Variants in MTMR2 observed in about 807,000 individuals in gnomAD.
MTMR2 encodes the protein phosphatidylinositol-3,5-bisphosphate 3-phosphatase MTMR2.
A neutral mutation model predicts 86.9 loss-of-function variants in MTMR2; 55 were observed. That is an observed-to-expected ratio of 0.63 (90% CI 0.51 to 0.79). The LOEUF (loss-of-function observed/expected upper bound fraction) is 0.79, where lower values mean the gene tolerates loss of function less well. Ranked by LOEUF, MTMR2 falls within the 30% of genes least tolerant of loss-of-function variation. The pLI is 0.00. For synonymous variants in MTMR2, 241 were observed against 266.8 expected, an observed-to-expected ratio of 0.90 and a Z score of 0.94; for missense variants, 659 against 772.3, an observed-to-expected ratio of 0.85 and a Z score of 1.74.
At chr11:95,880,801 T>C (rs537638385) in intron 2 of MTMR2, among the ~76,000 whole-genome samples, 4 of 152,218 alleles carry the variant, frequency 2.6e-5, no homozygotes, top group African/African-American at 9.6e-5. Context: ...TATTAATTTG[T>C]AGATGTTCTT....
At chr11:95,910,455 A>G (rs1399866304) in intron 1 of MTMR2, among the ~76,000 whole-genome samples, 2 of 152,092 alleles carry the variant, frequency 1.3e-5, no homozygotes, top group Non-Finnish European at 2.9e-5. Context: ...AAGAGTATAT[A>G]CACTTTAGAG....
intron 2 of MTMR2, among the ~76,000 whole-genome samples, chr11:95,883,181 A>G (rs1236780291): frequency 6.6e-6 from 1 of 152,116 alleles, no homozygotes; most frequent in Non-Finnish European, 1.5e-5. Flanking sequence ...TGAGGCACAT[A>G]CTTTAATTAA....
In MTMR2 at chr11:95,835,033, A is replaced by G; in HGVS notation, c.*257T>C. The G allele has an allele frequency of 4.4e-6, 2 of 451,516 alleles. No individual in the cohort carries two copies. The highest frequency in any genetic ancestry group is 8.3e-5 in the East Asian group (2 of 24,188). 28.0% of individuals were successfully genotyped at this position (451,516 alleles called of 1,614,324 possible). A position where few individuals can be genotyped will look rare whatever the true frequency, so the allele number is the denominator to read the frequency against. ...TAATAGAAACTTGTTCCCACTGTGAATCCAGGATTGAAGTATTTTAATATT... is the reference window on the plus strand; with the variant it reads ...TAATAGAAACTTGTTCCCACTGTGAGTCCAGGATTGAAGTATTTTAATATT... On this transcript the variant is annotated 3_prime_UTR_variant, in exon 15 of 15. Coordinates refer to ENST00000346299, the MANE Select transcript of MTMR2 (RefSeq NM_016156.6).
intron 7 of MTMR2, among the ~76,000 whole-genome samples, chr11:95,853,848 T>C (rs1864112276): frequency 6.6e-6 from 1 of 152,136 alleles, no homozygotes; most frequent in African/African-American, 2.4e-5. Context: ...CAAAATTAGT[T>C]TCTGAAGTTT....
At chr11:95,890,132 A>G (rs1355450365) in intron 1 of MTMR2, among the ~76,000 whole-genome samples, 1 of 152,240 alleles carries the variant, frequency 6.6e-6, no homozygotes, top group Non-Finnish European at 1.5e-5. Flanking sequence ...GTGGCATTCC[A>G]GTGCAAACAC....
chr11:95,852,079 C>T (rs897228827), intron 7 of MTMR2, among the ~76,000 whole-genome samples: 4 of 152,108 alleles, frequency 2.6e-5, no homozygotes, highest in African/African-American at 9.7e-5. Flanking sequence ...TCTGAAAATT[C>T]TTATCAAACA....
chr11:95,860,401 T>A (rs1324467185), intron 5 of MTMR2, among the ~76,000 whole-genome samples: 1 of 151,974 alleles, frequency 6.6e-6, no homozygotes, highest in Non-Finnish European at 1.5e-5. Flanking sequence ...CTGAGGAGGC[T>A]GAGGTAGGAG....
At chr11:95,869,756 G>C (rs1864781108) in intron 2 of MTMR2, among the ~76,000 whole-genome samples, 1 of 152,200 alleles carries the variant, frequency 6.6e-6, no homozygotes, top group Non-Finnish European at 1.5e-5. Flanking sequence ...TGGAGTAAAA[G>C]TTTAGGGTAT....
chr11:95,919,377 A>AT (rs939012690), intron 1 of MTMR2, among the ~76,000 whole-genome samples: 1 of 152,086 alleles, frequency 6.6e-6, no homozygotes, highest in Non-Finnish European at 1.5e-5. Flanking sequence ...CCCCCCTTTG[A>AT]TTTTTTTAAT....
intron 5 of MTMR2, among the ~76,000 whole-genome samples, chr11:95,860,866 T>C (rs930171132): frequency 6.6e-6 from 1 of 151,984 alleles, no homozygotes; most frequent in Non-Finnish European, 1.5e-5. Flanking sequence ...GTTTTAGAAG[T>C]AGAAAAACTG....
At chr11:95,845,385 T>C (rs1221461413) in intron 10 of MTMR2, among the ~76,000 whole-genome samples, 16 of 152,144 alleles carry the variant, frequency 1.1e-4, no homozygotes, top group Non-Finnish European at 4.4e-5. Flanking sequence ...CCCAACGAAA[T>C]AGCCAAATCA....
At chr11:95,888,104 AC>A in intron 2 of MTMR2, 51 bp downstream of exon 2, 2 of 1,328,098 alleles carry the variant, frequency 1.5e-6, no homozygotes, top group South Asian at 2.4e-5. Flanking sequence ...AGTGTTGGCC[AC>A]AAATATTTAA....
At chr11:95,879,953 T>A (rs1044623622) in intron 2 of MTMR2, among the ~76,000 whole-genome samples, 6 of 152,106 alleles carry the variant, frequency 3.9e-5, no homozygotes, top group African/African-American at 1.4e-4. Context: ...TCTTTACCAC[T>A]CAGCAGAGTT....
chr11:95,920,310 T>C (rs1452864895), intron 1 of MTMR2, among the ~76,000 whole-genome samples: 7 of 152,108 alleles, frequency 4.6e-5, no homozygotes, highest in Non-Finnish European at 1.5e-5. Flanking sequence ...AACTATTGTT[T>C]TTTTTGTTTT....
chr11:95,905,424 G>A (rs771121372), intron 1 of MTMR2, among the ~76,000 whole-genome samples: 58 of 151,596 alleles, frequency 3.8e-4, no homozygotes, highest in African/African-American at 1.1e-3. Context: ...AAAGGGGACC[G>A]GCATCCTGTA....
At chr11:95,852,039 T>G (rs1398783881) in intron 7 of MTMR2, among the ~76,000 whole-genome samples, 1 of 152,242 alleles carries the variant, frequency 6.6e-6, no homozygotes, top group Admixed American at 6.5e-5. Context: ...ATGGTTGGAC[T>G]TAAGAAAATC....
intron 14 of MTMR2, 100 bp downstream of exon 14, chr11:95,836,048 A>G (rs1206047451): frequency 1.7e-6 from 2 of 1,195,024 alleles, no homozygotes; most frequent in African/African-American, 1.5e-5. Flanking sequence ...GTAAGGAGTA[A>G]AGTTTTAAAT....
chr11:95,852,088 C>T (rs538728623), intron 7 of MTMR2, among the ~76,000 whole-genome samples: 36 of 152,238 alleles, frequency 2.4e-4, no homozygotes, highest in African/African-American at 8.7e-4. Context: ...TCTTATCAAA[C>T]AGAAAAAGAC....
intron 1 of MTMR2, among the ~76,000 whole-genome samples, chr11:95,911,180 C>T (rs1866491917): frequency 6.6e-6 from 1 of 152,070 alleles, no homozygotes; most frequent in Non-Finnish European, 1.5e-5. Context: ...GACAGCCTTC[C>T]AACTGGTGCA....
Sources: allele counts gnomAD v4.1 joint callset (sites outside exome capture counted in the v4.1 genomes callset), GRCh38; gene constraint gnomAD v4.1.1; transcripts MANE v1.5; gene names NCBI Gene and HGNC (gene_info 2026-07-23, HGNC 2026-07-21).